The following PTPRD variants were observed in gnomAD, a reference collection of about 807,000 sequenced individuals.
The protein encoded by PTPRD is receptor-type tyrosine-protein phosphatase delta.
PTPRD carries 34 observed loss-of-function variants against 214.5 expected under a neutral mutation model. The observed-to-expected ratio is 0.16, with a 90% confidence interval of 0.12 to 0.21. The LOEUF (loss-of-function observed/expected upper bound fraction) is 0.21, where lower values mean the gene tolerates loss of function less well. PTPRD is among the 10% of genes least tolerant of loss of function. The pLI is 1.00. For missense variants in PTPRD, 2,545 were observed against 2,398.7 expected (o/e 1.06, Z -1.27); for synonymous variants, 1,128 against 845.7 (o/e 1.33, Z -5.79).
intron 11 of PTPRD, among the ~76,000 whole-genome samples, chr9:8,792,989 G>A (rs962532000): frequency 6.6e-6 from 1 of 152,174 alleles, no homozygotes; most frequent in Non-Finnish European, 1.5e-5. Context: ...GTGGTACAAT[G>A]CCCCTGCTGC....
chr9:9,040,094 G>C (rs577018255), intron 10 of PTPRD, among the ~76,000 whole-genome samples: 341 of 152,156 alleles, frequency 2.2e-3, no homozygotes, highest in Non-Finnish European at 3.7e-3. Context: ...TCTGTGCTAG[G>C]CTCACAGATG....
chr9:8,525,162 T>C, intron 17 of PTPRD, 127 bp from the exon 18 acceptor site: 1 of 811,196 alleles, frequency 1.2e-6, no homozygotes, highest in Non-Finnish European at 2.2e-6. Flanking sequence ...CGATTCAATC[T>C]CTTGCTAAGT....
intron 9 of PTPRD, among the ~76,000 whole-genome samples, chr9:9,189,054 C>T (rs529556318): frequency 2.0e-5 from 3 of 152,002 alleles, no homozygotes; most frequent in Non-Finnish European, 4.4e-5. Flanking sequence ...TTTTGTAATC[C>T]ATTTTGAACA....
chr9:10,564,380 G>A (rs539723933), intron 2 of PTPRD, among the ~76,000 whole-genome samples: 85 of 149,898 alleles, frequency 5.7e-4, no homozygotes, highest in South Asian at 2.3e-3. Flanking sequence ...TGATTTCTTC[G>A]TAACTGACTT....
intron 12 of PTPRD, among the ~76,000 whole-genome samples, chr9:8,694,143 TAA>T (rs950760563): frequency 5.9e-5 from 9 of 152,182 alleles, no homozygotes; most frequent in African/African-American, 1.9e-4. Context: ...GTATTTTAAA[TAA>T]GAGAATATAT....
At chr9:9,557,997 C>G (rs573454799) in intron 8 of PTPRD, among the ~76,000 whole-genome samples, 142 of 152,336 alleles carry the variant, frequency 9.3e-4, no homozygotes, top group Admixed American at 2.2e-3. Context: ...CCTGCATGCA[C>G]AGCACACAGC....
intron 12 of PTPRD, among the ~76,000 whole-genome samples, chr9:8,637,684 G>A (rs1480412412): frequency 2.6e-5 from 4 of 152,130 alleles, no homozygotes; most frequent in African/African-American, 2.4e-5. Context: ...AAATGTAAAT[G>A]AATACTTATG....
chr9:10,127,634 T>C (rs950637685), intron 3 of PTPRD, among the ~76,000 whole-genome samples: 1 of 152,178 alleles, frequency 6.6e-6, no homozygotes, highest in African/African-American at 2.4e-5. Context: ...TTGTTTCTTA[T>C]CCTTCTACCA....
At chr9:10,095,111 T>A (rs1055772023) in intron 3 of PTPRD, among the ~76,000 whole-genome samples, 1 of 151,384 alleles carries the variant, frequency 6.6e-6, no homozygotes, top group African/African-American at 2.4e-5. Context: ...GTGAGATATT[T>A]TGTCATTTTG....
intron 11 of PTPRD, among the ~76,000 whole-genome samples, chr9:8,741,821 T>C (rs897690558): frequency 9.4e-4 from 143 of 152,090 alleles, no homozygotes; most frequent in African/African-American, 2.7e-3. Flanking sequence ...AAACTCCTGA[T>C]GTCGTGAGTG....
chr9:10,043,710 G>A (rs2097337817), intron 3 of PTPRD, among the ~76,000 whole-genome samples: 1 of 151,828 alleles, frequency 6.6e-6, no homozygotes, highest in Non-Finnish European at 1.5e-5. Context: ...GAAATATGAT[G>A]TTGCCAAGGA....
intron 11 of PTPRD, among the ~76,000 whole-genome samples, chr9:8,757,584 G>C (rs974227574): frequency 2.0e-5 from 3 of 150,010 alleles, no homozygotes; most frequent in South Asian, 2.1e-4. Context: ...AGTAGTGATA[G>C]AGTTGGAGTT....
At chr9:9,920,345 G>A (rs10816236) in intron 5 of PTPRD, among the ~76,000 whole-genome samples, 57,263 of 151,922 alleles carry the variant, frequency 0.38, 11,178 homozygotes, top group East Asian at 0.59. Flanking sequence ...ACTGCTAAAA[G>A]GTAATTGATC....
chr9:10,019,865 A>G (rs1364932099), intron 4 of PTPRD, among the ~76,000 whole-genome samples: 1 of 152,166 alleles, frequency 6.6e-6, no homozygotes, highest in African/African-American at 2.4e-5. Context: ...CCAACATGGC[A>G]TATGTATACA....
intron 4 of PTPRD, among the ~76,000 whole-genome samples, chr9:9,949,999 C>T (rs967163783): frequency 6.6e-6 from 1 of 152,106 alleles, no homozygotes; most frequent in Admixed American, 6.6e-5. Context: ...AAGCTATTTC[C>T]TTAAGTTTGA....
At chr9:10,600,991 T>G (rs932090330) in intron 2 of PTPRD, among the ~76,000 whole-genome samples, 1 of 151,802 alleles carries the variant, frequency 6.6e-6, no homozygotes, top group African/African-American at 2.4e-5. Flanking sequence ...AACTTCAAGG[T>G]GTTTTTAGCT....
chr9:8,492,705 T>A (rs936812206), intron 27 of PTPRD, among the ~76,000 whole-genome samples, 157 bp downstream of exon 27: 2 of 64,036 alleles, frequency 3.1e-5, no homozygotes, highest in Non-Finnish European at 6.3e-5. Context: ...CCTGATCTAT[T>A]TTTTTTTTTT....
At chr9:8,981,069 G>T (rs1336906973) in intron 11 of PTPRD, among the ~76,000 whole-genome samples, 1 of 151,924 alleles carries the variant, frequency 6.6e-6, no homozygotes, top group South Asian at 2.1e-4. Context: ...CCTCGCTAAC[G>T]GAATTTCTTA....
At chr9:10,481,101 A>T (rs1424606473) in intron 2 of PTPRD, among the ~76,000 whole-genome samples, 1 of 152,034 alleles carries the variant, frequency 6.6e-6, no homozygotes, top group Non-Finnish European at 1.5e-5. Flanking sequence ...TGCTCAAGAA[A>T]AAAAAGGAGA....
Sources: gnomAD v4.1 joint callset for allele counts (sites outside exome capture counted in the v4.1 genomes callset) on GRCh38, gnomAD v4.1.1 for gene constraint, MANE v1.5 for transcripts, NCBI Gene and HGNC (gene_info 2026-07-23, HGNC 2026-07-21) for gene names.